The following CDH8 variants were observed in gnomAD, a reference collection of about 807,000 sequenced individuals.
CDH8 encodes cadherin-8.
Under a neutral mutation model 68.1 loss-of-function variants are expected in CDH8, and 17 were observed. That is an observed-to-expected ratio of 0.25 (90% CI 0.17 to 0.37). CDH8 has a LOEUF of 0.37. CDH8 is among the 10% of genes least tolerant of loss of function. The pLI, the probability that CDH8 is intolerant of heterozygous loss-of-function variation, is 1.00. For synonymous variants in CDH8, 372 were observed against 365.1 expected (o/e 1.02, Z -0.21); for missense variants, 763 against 999.3 (o/e 0.76, Z 3.19).
intron 8 of CDH8, among the ~76,000 whole-genome samples, chr16:61,732,748 A>T (rs1959571353): frequency 6.6e-6 from 1 of 151,720 alleles, no homozygotes; most frequent in Admixed American, 6.6e-5. Context: ...AATCCACATT[A>T]CTCCTCGTTT....
At chr16:61,745,832 T>A (rs1193592016) in intron 8 of CDH8, among the ~76,000 whole-genome samples, 1 of 152,070 alleles carries the variant, frequency 6.6e-6, no homozygotes, top group African/African-American at 2.4e-5. Context: ...TGTTTTTCTA[T>A]TGTCTTTTTT....
chr16:61,697,186 C>T (rs891906603), intron 10 of CDH8, among the ~76,000 whole-genome samples: 1 of 152,098 alleles, frequency 6.6e-6, no homozygotes. Flanking sequence ...TGATGCTTTT[C>T]TGAAAATAAG....
intron 10 of CDH8, among the ~76,000 whole-genome samples, chr16:61,656,932 T>C (rs1195388452): frequency 6.6e-6 from 1 of 152,170 alleles, no homozygotes; most frequent in Non-Finnish European, 1.5e-5. Flanking sequence ...TGTTGATTAC[T>C]GAAAGATATA....
chr16:61,910,727 TG>T (rs1964147206), intron 2 of CDH8, among the ~76,000 whole-genome samples: 1 of 152,150 alleles, frequency 6.6e-6, no homozygotes, highest in South Asian at 2.1e-4. Flanking sequence ...TGGACTCTTA[TG>T]GGGATTAAAT....
chr16:61,728,791 A>G (rs899103735), intron 8 of CDH8, among the ~76,000 whole-genome samples: 2 of 151,136 alleles, frequency 1.3e-5, no homozygotes, highest in African/African-American at 4.8e-5. Flanking sequence ...ATTTTGTGCT[A>G]AACATGCACC....
intron 2 of CDH8, among the ~76,000 whole-genome samples, chr16:61,977,042 TG>T (rs1965447522): frequency 6.6e-6 from 1 of 152,148 alleles, no homozygotes. Flanking sequence ...AGAATTGTAA[TG>T]AAGAGCATAC....
chr16:61,670,782 T>A (rs985142102), intron 10 of CDH8, among the ~76,000 whole-genome samples: 3 of 151,990 alleles, frequency 2.0e-5, no homozygotes, highest in African/African-American at 7.2e-5. Flanking sequence ...TTCTTTTATC[T>A]GATTACCTAC....
chr16:61,660,754 G>T lies in CDH8; in HGVS notation c.1655-5033C>A, dbSNP rs547303096. Among the ~76,000 whole-genome samples, 10 of 151,946 alleles carry T rather than the reference G, an allele frequency of 6.6e-5. No individual in the cohort carries two copies. In the South Asian group the frequency reaches 1.9e-3, roughly 28 times the overall value. ...TAGAAACAATGAAGGCCAGACGGAC[G>T]TGGGATAACATATTCAAAATGCTCA... On this transcript the variant is annotated intron_variant, in intron 10 of 11. Transcript: ENST00000577390.
chr16:61,938,528 T>A (rs554424274), intron 2 of CDH8, among the ~76,000 whole-genome samples: 2 of 152,168 alleles, frequency 1.3e-5, no homozygotes, highest in Non-Finnish European at 2.9e-5. Flanking sequence ...GCAAATATAC[T>A]TGCTAAATGT....
intron 3 of CDH8, among the ~76,000 whole-genome samples, chr16:61,886,555 C>T (rs940304718): frequency 7.2e-5 from 11 of 152,230 alleles, no homozygotes; most frequent in South Asian, 2.1e-4. Flanking sequence ...GAAGTATCAT[C>T]GAAGCCAGAG....
intron 7 of CDH8, among the ~76,000 whole-genome samples, chr16:61,813,981 C>T (rs1295909616): frequency 2.0e-5 from 3 of 152,160 alleles, no homozygotes; most frequent in Non-Finnish European, 4.4e-5. Flanking sequence ...CACACAGCCA[C>T]CTAGATGAAT....
At chr16:61,945,270 G>T (rs74021704) in intron 2 of CDH8, among the ~76,000 whole-genome samples, 2,728 of 152,134 alleles carry the variant, frequency 0.018, 83 homozygotes, top group African/African-American at 0.062. Flanking sequence ...AATGAGAAAT[G>T]CACTCTATCT....
rs142818543 is a variant in CDH8 at position 61,723,098 on chromosome 16, G to A, written c.1536+3996C>T. Among the ~76,000 whole-genome samples the A allele has an allele frequency of 7.3e-5, 11 of 150,796 alleles. No homozygotes were observed. In the East Asian group the frequency reaches 2.1e-3, roughly 29 times the overall value. ...GCCTCAGAAGAAAATATTCAATTCA[G>A]TCCCTGCACTGATAGATCATCCAGA... On this transcript the variant is annotated intron_variant, in intron 9 of 11. Coordinates refer to ENST00000577390, the MANE Select transcript of CDH8 (RefSeq NM_001796.5).
chr16:61,818,867 A>G (rs894454162), intron 6 of CDH8, among the ~76,000 whole-genome samples: 2 of 151,444 alleles, frequency 1.3e-5, no homozygotes, highest in Non-Finnish European at 2.9e-5. Context: ...AAGCTTAATT[A>G]TATATTCTTA....
chr16:61,820,792 T>C lies in CDH8; in HGVS notation c.1023+134A>G. The C allele has an allele frequency of 4.5e-6, 3 of 670,744 alleles. No homozygotes were observed. The South Asian group carries it at 6.0e-5, about 13-fold the overall frequency. The allele number at this position is 670,744 out of a possible 1,614,324, so 41.5% of individuals were successfully genotyped here. A position where few individuals can be genotyped will look rare whatever the true frequency, so the allele number is the denominator to read the frequency against. On this transcript the variant is annotated intron_variant, in intron 6 of 11. Coordinates refer to ENST00000577390, the MANE Select transcript of CDH8 (RefSeq NM_001796.5). ...GTTGCCAAAAGGACTGTACTAGTTA[T>C]CTTGTCTTACTGCTCAAAGCTAAAC... is the stretch of plus-strand genomic sequence containing the variant.
At chr16:61,729,651 A>T (rs962708315) in intron 8 of CDH8, among the ~76,000 whole-genome samples, 1 of 151,312 alleles carries the variant, frequency 6.6e-6, no homozygotes, top group African/African-American at 2.4e-5. Flanking sequence ...TTTTCATTCG[A>T]CATCCTAGAC....
intron 6 of CDH8, among the ~76,000 whole-genome samples, chr16:61,819,089 C>G (rs2143000335): frequency 6.6e-6 from 1 of 152,116 alleles, no homozygotes; most frequent in Non-Finnish European, 1.5e-5. Context: ...AACAATTTTG[C>G]AATTTCAAAT....
intron 2 of CDH8, among the ~76,000 whole-genome samples, chr16:61,999,830 T>C (rs1220117684): frequency 6.6e-6 from 1 of 152,160 alleles, no homozygotes; most frequent in Non-Finnish European, 1.5e-5. Context: ...GGGATACATG[T>C]GCAGAATGTG....
chr16:61,946,645 C>T (rs1238665874), intron 2 of CDH8, among the ~76,000 whole-genome samples: 1 of 152,126 alleles, frequency 6.6e-6, no homozygotes, highest in Non-Finnish European at 1.5e-5. Flanking sequence ...AGCTTTGGTA[C>T]ATAGTAAATG....
Sources: allele counts gnomAD v4.1 joint callset (sites outside exome capture counted in the v4.1 genomes callset), GRCh38; gene constraint gnomAD v4.1.1; transcripts MANE v1.5; gene names NCBI Gene and HGNC (gene_info 2026-07-23, HGNC 2026-07-21).